Variants in ROBO2 observed in about 807,000 individuals in gnomAD.
ROBO2 encodes the protein roundabout homolog 2.
A neutral mutation model predicts 160.8 loss-of-function variants in ROBO2; 53 were observed. That is an observed-to-expected ratio of 0.33 (90% CI 0.26 to 0.41). The LOEUF (loss-of-function observed/expected upper bound fraction) is 0.41. Among genes scored for constraint, ROBO2 ranks in the 10% least tolerant of loss-of-function variants. The pLI, the probability that ROBO2 is intolerant of heterozygous loss-of-function variation, is 1.00. For missense variants in ROBO2, 1,577 were observed against 1,722.4 expected, an observed-to-expected ratio of 0.92 and a Z score of 1.49; for synonymous variants, 664 against 611.7, an observed-to-expected ratio of 1.09 and a Z score of -1.26.
At chr3:76,087,973 A>T (rs1322614513) in intron 2 of ROBO2, among the ~76,000 whole-genome samples, 1 of 152,102 alleles carries the variant, frequency 6.6e-6, no homozygotes, top group Non-Finnish European at 1.5e-5. Flanking sequence ...TATGTTATTT[A>T]TAAAAAGTCT....
intron 2 of ROBO2, among the ~76,000 whole-genome samples, chr3:77,264,030 C>T (rs2058955234): frequency 7.3e-6 from 1 of 136,470 alleles, no homozygotes; most frequent in South Asian, 2.7e-4. Context: ...TTCATCATCA[C>T]ATTCATCATA....
chr3:75,993,573 C>G (rs747911095), intron 2 of ROBO2, among the ~76,000 whole-genome samples: 4 of 152,120 alleles, frequency 2.6e-5, no homozygotes, highest in Non-Finnish European at 5.9e-5. Context: ...TAGGACTAGT[C>G]CCTTAACTAT....
chr3:76,002,619 A>G (rs1338652218), intron 2 of ROBO2, among the ~76,000 whole-genome samples: 3 of 152,054 alleles, frequency 2.0e-5, no homozygotes, highest in Non-Finnish European at 4.4e-5. Context: ...TGCCATGACT[A>G]TGAGGCCTTC....
At chr3:77,155,556 A>G (rs2077938785) in intron 2 of ROBO2, among the ~76,000 whole-genome samples, 1 of 151,970 alleles carries the variant, frequency 6.6e-6, no homozygotes, top group Admixed American at 6.6e-5. Context: ...GCCCAGTAAG[A>G]CTCATGCAGA....
intron 2 of ROBO2, among the ~76,000 whole-genome samples, chr3:76,716,544 G>GTT (rs2093382317): frequency 1.3e-5 from 2 of 152,118 alleles, no homozygotes; most frequent in East Asian, 3.9e-4. Flanking sequence ...AATCTAGATT[G>GTT]TTATATATAT....
At chr3:76,654,919 A>ATATATATG (rs1372057061) in intron 2 of ROBO2, among the ~76,000 whole-genome samples, 1 of 147,212 alleles carries the variant, frequency 6.8e-6, no homozygotes, top group Non-Finnish European at 1.5e-5. Flanking sequence ...GTGTGTATAT[A>ATATATATG]TATATATATT....
intron 2 of ROBO2, among the ~76,000 whole-genome samples, chr3:77,208,035 G>T (rs534478772): frequency 6.6e-6 from 1 of 152,270 alleles, no homozygotes; most frequent in South Asian, 2.1e-4. Context: ...TATCCTGAGC[G>T]CTCTCCTGTA....
intron 2 of ROBO2, among the ~76,000 whole-genome samples, chr3:76,268,303 A>T (rs1304864930): frequency 2.0e-5 from 3 of 152,128 alleles, no homozygotes; most frequent in African/African-American, 7.2e-5. Context: ...AGGAGAGGGG[A>T]TGCTATAAGC....
At chr3:77,512,596 A>G (rs1339929394) in intron 5 of ROBO2, among the ~76,000 whole-genome samples, 5 of 151,940 alleles carry the variant, frequency 3.3e-5, no homozygotes, top group African/African-American at 4.8e-5. Flanking sequence ...TGAATAAGTG[A>G]TTTTCTCCTA....
chr3:77,295,363 G>T (rs9848347), intron 2 of ROBO2, among the ~76,000 whole-genome samples: 15,136 of 149,898 alleles, frequency 0.1, 1,109 homozygotes, highest in East Asian at 0.34. Flanking sequence ...TAAAATTGAT[G>T]GTTAAATGGG....
chr3:76,434,747 T>G, intron 2 of ROBO2: 1 of 1,135,560 alleles, frequency 8.8e-7, no homozygotes, highest in Non-Finnish European at 1.3e-6. Context: ...GAGGCTCAGA[T>G]GAGTCCGCTT....
At chr3:76,493,631 A>G (rs986230814) in intron 2 of ROBO2, among the ~76,000 whole-genome samples, 1 of 151,848 alleles carries the variant, frequency 6.6e-6, no homozygotes, top group Non-Finnish European at 1.5e-5. Context: ...CGAAGCCTTC[A>G]GTTTTTCTTG....
intron 2 of ROBO2, among the ~76,000 whole-genome samples, chr3:77,373,100 T>C (rs2072029710): frequency 6.8e-6 from 1 of 147,038 alleles, no homozygotes; most frequent in African/African-American, 2.5e-5. Context: ...AATTAAAATA[T>C]AATATTTTAA....
chr3:76,309,863 G>A (rs531353715), intron 2 of ROBO2, among the ~76,000 whole-genome samples: 43 of 151,948 alleles, frequency 2.8e-4, no homozygotes, highest in South Asian at 4.2e-4. Context: ...TTGCTCTATC[G>A]CCCAGGCTGG....
chr3:76,488,592 C>G (rs1432957232), intron 2 of ROBO2, among the ~76,000 whole-genome samples: 1 of 152,106 alleles, frequency 6.6e-6, no homozygotes, highest in Non-Finnish European at 1.5e-5. Flanking sequence ...TTAAAGGGCT[C>G]ATGTGATAAG....
intron 2 of ROBO2, among the ~76,000 whole-genome samples, chr3:76,349,168 A>G (rs775697387): frequency 5.9e-5 from 9 of 152,142 alleles, no homozygotes; most frequent in Non-Finnish European, 1.3e-4. Flanking sequence ...TATGTAACAT[A>G]TTTTTAAAAG....
At chr3:77,130,543 A>G (rs959881263) in intron 2 of ROBO2, among the ~76,000 whole-genome samples, 19 of 152,244 alleles carry the variant, frequency 1.2e-4, no homozygotes, top group Non-Finnish European at 2.4e-4. Flanking sequence ...AATTTTAACA[A>G]TGCAAAAGCT....
At chr3:76,053,108 A>T (rs1029456582) in intron 2 of ROBO2, among the ~76,000 whole-genome samples, 1 of 152,078 alleles carries the variant, frequency 6.6e-6, no homozygotes, top group African/African-American at 2.4e-5. Context: ...TGGCCAGACT[A>T]TAGGACAATA....
At chr3:76,156,200 T>G (rs768196415) in intron 2 of ROBO2, among the ~76,000 whole-genome samples, 76 of 152,258 alleles carry the variant, frequency 5.0e-4, no homozygotes, top group Middle Eastern at 3.4e-3. Context: ...GAGATGAGCT[T>G]TTAAGAAAGC....
Sources: gnomAD v4.1 joint callset for allele counts (sites outside exome capture counted in the v4.1 genomes callset) on GRCh38, gnomAD v4.1.1 for gene constraint, MANE v1.5 for transcripts, NCBI Gene and HGNC (gene_info 2026-07-23, HGNC 2026-07-21) for gene names.